BET1: variants seen among roughly 807,000 people sequenced by gnomAD.
The protein encoded by BET1 is Bet1 golgi vesicular membrane trafficking protein, also known as BET1 homolog.
A neutral mutation model predicts 13.9 loss-of-function variants in BET1; 9 were observed. The ratio of observed to expected loss-of-function variants is 0.65; its 90% confidence interval spans 0.39 to 1.13. The LOEUF (loss-of-function observed/expected upper bound fraction) is 1.13, where lower values mean the gene tolerates loss of function less well. BET1 is among the 50% of genes most tolerant of loss of function. BET1 has a pLI of 0.01. For synonymous variants in BET1, 39 were observed against 47.3 expected, an observed-to-expected ratio of 0.82 and a Z score of 0.72; for missense variants, 127 against 133.6, an observed-to-expected ratio of 0.95 and a Z score of 0.24.
chr7:93,964,375 C>T (rs1418144152), exon 7 of BET1: 1 of 152,040 alleles, frequency 6.6e-6, no homozygotes, highest in Non-Finnish European at 1.5e-5. Flanking sequence ...ATTTGGTTTT[C>T]TGTTCCTGCA....
At chr7:93,995,634 T>G (rs978930972) in intron 3 of BET1, among the ~76,000 whole-genome samples, 1 of 152,214 alleles carries the variant, frequency 6.6e-6, no homozygotes, top group Non-Finnish European at 1.5e-5. Context: ...CCTAGCTTAT[T>G]ATAGCGCACA....
At position 94,004,315 on chromosome 7, in the gene BET1, C is replaced by T. The variant is rs1584152832; in HGVS notation, c.-99G>A. On this transcript the variant is annotated 5_prime_UTR_variant, in exon 1 of 4. Transcript: ENST00000222547. ...CCGCGTCTTCAGTACCAGGGCCCAG[C>T]GAAACACCAACTTCTTCCCCTAAAG... is the stretch of plus-strand genomic sequence containing the variant. 9.9e-6 allele frequency: 15 copies of T among 1,512,604 alleles called. No homozygotes were observed. In the East Asian group the frequency reaches 3.4e-4, roughly 34 times the overall value. The allele number at this position is 1,512,604 out of a possible 1,614,324, so 93.7% of individuals were successfully genotyped here. A position where few individuals can be genotyped will look rare whatever the true frequency, so the allele number is the denominator to read the frequency against.
chr7:93,999,785 C>A, intron 1 of BET1: 1 of 436,474 alleles, frequency 2.3e-6, no homozygotes, highest in Non-Finnish European at 4.6e-6. Context: ...CAGGAAAGAG[C>A]CAAAGCAGGG....
chr7:94,004,144 C>T, intron 1 of BET1, 54 bp downstream of exon 1: 1 of 1,613,730 alleles, frequency 6.2e-7, no homozygotes, highest in Non-Finnish European at 8.5e-7. Context: ...CCTCCCGCGC[C>T]CCAGCGCTCC....
intron 1 of BET1, among the ~76,000 whole-genome samples, chr7:94,003,306 T>A (rs1323293991): frequency 6.6e-6 from 1 of 152,170 alleles, no homozygotes; most frequent in African/African-American, 2.4e-5. Flanking sequence ...TCTACGGTTA[T>A]TGGCAACTTT....
At chr7:93,985,467 T>C (rs1429275951) in intron 4 of BET1, among the ~76,000 whole-genome samples, 2 of 152,068 alleles carry the variant, frequency 1.3e-5, no homozygotes, top group East Asian at 3.9e-4. Flanking sequence ...TAAATGGTTA[T>C]TATTATTAAT....
chr7:93,990,496 C>G (rs927118304), downstream of BET1, among the ~76,000 whole-genome samples: 1 of 151,974 alleles, frequency 6.6e-6, no homozygotes, highest in Non-Finnish European at 1.5e-5. Context: ...TTTTCTCCTG[C>G]TCATTTCTAA....
intron 6 of BET1, among the ~76,000 whole-genome samples, chr7:93,971,753 T>C (rs760797942): frequency 3.4e-4 from 51 of 151,838 alleles, no homozygotes; most frequent in African/African-American, 1.2e-3. Context: ...TATTATAGGT[T>C]AATGTAATAC....
chr7:93,989,764 A>G (rs541226214), downstream of BET1, among the ~76,000 whole-genome samples: 1 of 152,350 alleles, frequency 6.6e-6, no homozygotes, highest in African/African-American at 2.4e-5. Context: ...AATGTTTTCT[A>G]TATCCCCATT....
intron 4 of BET1, among the ~76,000 whole-genome samples, chr7:93,976,630 A>G (rs755933159): frequency 2.0e-5 from 3 of 152,092 alleles, no homozygotes; most frequent in Non-Finnish European, 2.9e-5. Flanking sequence ...CTCATATTTC[A>G]TCTCACCTTG....
intron 1 of BET1, chr7:93,999,682 G>C (rs1795852215): frequency 2.2e-6 from 1 of 456,844 alleles, no homozygotes; most frequent in Non-Finnish European, 4.4e-6. Context: ...TGGCTGTGAA[G>C]AGGAAGGGAA....
In BET1 at chr7:93,967,232, TAA is replaced by T. The variant is rs1584120901; in HGVS notation, c.*138-1547_*138-1546del. Among the ~76,000 whole-genome samples, 3 of 151,982 alleles carry T rather than the reference TAA, an allele frequency of 2.0e-5. No homozygotes were observed. The East Asian group carries it at 5.8e-4, about 29-fold the overall frequency. On this transcript the variant is annotated intron_variant and NMD_transcript_variant, in intron 6 of 6. Transcript: ENST00000357520. ...TTTCCATCCCACCTTCATAATCTCT[TAA>T]AGAGTCTCCTGTGCCTTACTCACTC...
chr7:93,996,204 A>G (rs758597183), intron 3 of BET1, 61 bp downstream of exon 3: 2 of 1,249,588 alleles, frequency 1.6e-6, no homozygotes, highest in Non-Finnish European at 2.3e-6. Flanking sequence ...ATAAAAGTTG[A>G]AATTCTATTA....
chr7:93,991,211 A>G (rs112810280), downstream of BET1, among the ~76,000 whole-genome samples: 1,115 of 152,328 alleles, frequency 7.3e-3, 10 homozygotes, highest in Middle Eastern at 0.027. Flanking sequence ...TAAATGTAGG[A>G]AGATTTTATC....
At chr7:93,994,939 G>T (rs1211035403) in intron 3 of BET1, among the ~76,000 whole-genome samples, 1 of 152,192 alleles carries the variant, frequency 6.6e-6, no homozygotes, top group Non-Finnish European at 1.5e-5. Flanking sequence ...TGCCTCCCAG[G>T]TTCAAGTGAT....
intron 4 of BET1, among the ~76,000 whole-genome samples, chr7:93,987,719 G>A (rs967275238): frequency 1.3e-5 from 2 of 152,142 alleles, no homozygotes; most frequent in Admixed American, 6.5e-5. Context: ...TGAGTTTAGA[G>A]AAAAAAAGTT....
intron 1 of BET1, among the ~76,000 whole-genome samples, chr7:94,001,155 A>AT (rs1203912014): frequency 6.6e-6 from 1 of 152,180 alleles, no homozygotes; most frequent in East Asian, 1.9e-4. Context: ...TACAGCTCTG[A>AT]TTGTATGTAA....
intron 6 of BET1, among the ~76,000 whole-genome samples, chr7:93,966,665 T>C (rs905112129): frequency 2.6e-5 from 4 of 151,772 alleles, no homozygotes; most frequent in Non-Finnish European, 4.4e-5. Flanking sequence ...TAGTTCCTTT[T>C]GGGAATGTCA....
At chr7:93,974,932 A>G (rs570761281) in intron 5 of BET1, among the ~76,000 whole-genome samples, 2 of 152,260 alleles carry the variant, frequency 1.3e-5, no homozygotes, top group South Asian at 2.1e-4. Context: ...GACATCATAC[A>G]TGATATACAT....
Sources: gnomAD v4.1 joint callset for allele counts (sites outside exome capture counted in the v4.1 genomes callset) on GRCh38, gnomAD v4.1.1 for gene constraint, MANE v1.5 for transcripts, NCBI Gene and HGNC (gene_info 2026-07-23, HGNC 2026-07-21) for gene names.